PIWIL3: variants seen among roughly 807,000 people sequenced by gnomAD.
PIWIL3 encodes piwi like RNA-mediated gene silencing 3.
A neutral mutation model predicts 109.7 loss-of-function variants in PIWIL3; 101 were observed. That is an observed-to-expected ratio of 0.92 (90% confidence interval 0.78 to 1.09). PIWIL3 has a LOEUF of 1.09. PIWIL3 is among the 50% of genes least tolerant of loss of function. The pLI is 0.00. For missense variants in PIWIL3, 1,031 were observed against 1,072.6 expected, an observed-to-expected ratio of 0.96 and a Z score of 0.54; for synonymous variants, 373 against 376.4, an observed-to-expected ratio of 0.99 and a Z score of 0.10.
At position 24,758,852 on chromosome 22, in the gene PIWIL3, GA is replaced by G. The variant is rs1386062931; in HGVS notation, c.224-814del. ...TCATCATATTAAAATGTCAGCAAAA[GA>G]AAACAGGTATCCTAGCTTGGCACCT... is the stretch of plus-strand genomic sequence containing the variant. On this transcript the variant is annotated intron_variant, in intron 3 of 20. Transcript: ENST00000616349. Among the ~76,000 whole-genome samples the G allele has an allele frequency of 3.3e-5, 5 of 152,286 alleles. No homozygotes were observed. In the South Asian group the frequency reaches 8.3e-4, roughly 25 times the overall value.
In PIWIL3 at chr22:24,749,664, T is replaced by A. The variant is rs201425879; in HGVS notation, c.1216+29A>T. On this transcript the variant is annotated intron_variant, in intron 10 of 20. Coordinates refer to ENST00000616349, the MANE Select transcript of PIWIL3 (RefSeq NM_001255975.1). ...GCGTTAAGTCGTAATTATACCTGAC[T>A]TTAAAGAGGGGCTGTAATCCATCAG... 5 of 1,614,132 alleles carry A rather than the reference T, an allele frequency of 3.1e-6. No individual in the cohort carries two copies. In the East Asian group the frequency reaches 1.1e-4, roughly 36 times the overall value.
At chr22:24,740,100 T>C (rs1431838093) in intron 12 of PIWIL3, among the ~76,000 whole-genome samples, 1 of 147,940 alleles carries the variant, frequency 6.8e-6, no homozygotes, top group Non-Finnish European at 1.5e-5. Flanking sequence ...GCACCTGTAG[T>C]CCCAGCTACT....
intron 2 of PIWIL3, among the ~76,000 whole-genome samples, chr22:24,761,228 C>A (rs1376407961): frequency 1.3e-5 from 2 of 151,788 alleles, no homozygotes; most frequent in East Asian, 1.9e-4. Flanking sequence ...TGGATAACTT[C>A]ACCAAGGGAG....
Position 24,725,471 on chromosome 22 carries a change from A to C in PIWIL3, c.2054T>G (p.Val685Gly), listed in dbSNP as rs143486491. 6.2e-7 allele frequency: 1 copy of C among 1,614,032 alleles called. No individual in the cohort carries two copies. Among genetic ancestry groups the C allele is most frequent in the Non-Finnish European group, 8.5e-7 (1 of 1,180,048 alleles). Residue 685 changes from valine (V) to glycine (G), a missense_variant, in exon 17 of 21, where the codon GTG becomes GGG. Transcript: ENST00000616349. ...TTTCAAGCAGATCTCCAGCTCTTTC[A>C]CAAGCTCTTCTCCTGTTTTCTGGAT... ...CVIQKTGEEL[V>G]KELEICLKAA...
At chr22:24,723,392 CT>C in intron 18 of PIWIL3, 137 bp from the exon 19 acceptor site, 1 of 851,950 alleles carries the variant, frequency 1.2e-6, no homozygotes, top group East Asian at 2.7e-5. Flanking sequence ...CCTAATTTTA[CT>C]GTCTAAGCTC....
rs1036224924 is a variant in PIWIL3 at position 24,754,783 on chromosome 22, C to T, written c.773+1G>A. On this transcript the variant is annotated splice_donor_variant, in intron 7 of 20. Transcript: ENST00000616349. LOFTEE classifies it high-confidence loss of function. Reference sequence around the variant, plus strand: ...TGTGAAATTTTCTACTTTATACAAACCCATGACGGTATAACTGAATGGCCT... The same window carrying T: ...TGTGAAATTTTCTACTTTATACAAATCCATGACGGTATAACTGAATGGCCT... 2 of 1,596,774 alleles carry T rather than the reference C, an allele frequency of 1.3e-6. No homozygotes were observed. The highest frequency in any genetic ancestry group is 1.7e-6 in the Non-Finnish European group (2 of 1,164,560).
intron 14 of PIWIL3, among the ~76,000 whole-genome samples, chr22:24,729,154 GAC>G (rs1345736374): frequency 2.0e-5 from 3 of 152,166 alleles, no homozygotes; most frequent in African/African-American, 7.2e-5. Flanking sequence ...CACAGATGAG[GAC>G]AGTTACACAG....
At chr22:24,729,225 G>A (rs982218852) in intron 14 of PIWIL3, among the ~76,000 whole-genome samples, 1 of 152,058 alleles carries the variant, frequency 6.6e-6, no homozygotes, top group Non-Finnish European at 1.5e-5. Flanking sequence ...CTGTAAAATG[G>A]CAACCCTCTC....
At chr22:24,755,581 GAGA>G (rs1227343309) in intron 6 of PIWIL3, among the ~76,000 whole-genome samples, 200 bp downstream of exon 6, 2 of 152,198 alleles carry the variant, frequency 1.3e-5, no homozygotes, top group Non-Finnish European at 2.9e-5. Flanking sequence ...CATCGGCCAG[GAGA>G]AGAACATTGA....
chr22:24,761,472 C>A (rs1305498391), intron 2 of PIWIL3, among the ~76,000 whole-genome samples: 1 of 152,060 alleles, frequency 6.6e-6, no homozygotes, highest in Non-Finnish European at 1.5e-5. Flanking sequence ...AGTGGAAGGG[C>A]CCAGGGAAGG....
At chr22:24,760,827 G>A (rs962154057) in intron 2 of PIWIL3, among the ~76,000 whole-genome samples, 1 of 146,144 alleles carries the variant, frequency 6.8e-6, no homozygotes, top group African/African-American at 2.5e-5. Flanking sequence ...ACCAGGCAGA[G>A]GAACGACATG....
chr22:24,752,025 G>A (rs1475219700), intron 8 of PIWIL3, among the ~76,000 whole-genome samples: 1 of 152,120 alleles, frequency 6.6e-6, no homozygotes, highest in African/African-American at 2.4e-5. Flanking sequence ...CATGAATAAG[G>A]TTATGAACAT....
chr22:24,729,645 G>A (rs1923215926), intron 14 of PIWIL3, among the ~76,000 whole-genome samples: 1 of 152,162 alleles, frequency 6.6e-6, no homozygotes, highest in South Asian at 2.1e-4. Flanking sequence ...TTTTTAACAC[G>A]ATGATGTTTA....
At chr22:24,745,717 G>A (rs373770010) in intron 12 of PIWIL3, among the ~76,000 whole-genome samples, 554 of 79,682 alleles carry the variant, frequency 7.0e-3, no homozygotes, top group Non-Finnish European at 8.4e-3. Flanking sequence ...GTCAGACTAA[G>A]AAAAAAAAAA....
chr22:24,752,801 G>C (rs923229198), intron 8 of PIWIL3, among the ~76,000 whole-genome samples: 1 of 152,050 alleles, frequency 6.6e-6, no homozygotes, highest in Non-Finnish European at 1.5e-5. Context: ...GCATACGAGA[G>C]AGTTGCTTCT....
chr22:24,770,860 A>C (rs143610390), intron 1 of PIWIL3, among the ~76,000 whole-genome samples: 13 of 151,716 alleles, frequency 8.6e-5, no homozygotes, highest in African/African-American at 3.1e-4. Flanking sequence ...ATAAATAAAT[A>C]AAAAGAAAGA....
Position 24,722,676 on chromosome 22 carries a change from G to C in PIWIL3, c.2357+454C>G, listed in dbSNP as rs9612742. Among the ~76,000 whole-genome samples, 836 of 152,116 alleles carry C rather than the reference G, an allele frequency of 5.5e-3. 7 individuals carry two copies. Among genetic ancestry groups the C allele is most frequent in the African/African-American group, 0.018 (763 of 41,524 alleles). On this transcript the variant is annotated intron_variant, in intron 19 of 20. Transcript: ENST00000616349. ...GGCAGTGTGCCTGTGCCAAGATTGC[G>C]CCACTGCACTCCAGCCTGGGCAACA...
chr22:24,728,685 TTTAAA>T (rs1424676072), intron 14 of PIWIL3, among the ~76,000 whole-genome samples: 4 of 152,192 alleles, frequency 2.6e-5, no homozygotes, highest in African/African-American at 4.8e-5. Flanking sequence ...GTTATAAGTG[TTTAAA>T]TTATAGTGTT....
At chr22:24,754,742 G>T (rs367968935) in intron 7 of PIWIL3, 42 bp downstream of exon 7, 1 of 1,464,784 alleles carries the variant, frequency 6.8e-7, no homozygotes, top group Non-Finnish European at 9.5e-7. Context: ...AAAATCCTAC[G>T]TTTAAGTCTG....
Sources: gnomAD v4.1 joint callset for allele counts (sites outside exome capture counted in the v4.1 genomes callset) on GRCh38, gnomAD v4.1.1 for gene constraint, MANE v1.5 for transcripts, NCBI Gene and HGNC (gene_info 2026-07-23, HGNC 2026-07-21) for gene names.